The following KCNQ5 variants were observed in gnomAD, a reference collection of about 807,000 sequenced individuals.
KCNQ5 encodes the protein potassium voltage-gated channel subfamily Q member 5, also known as potassium voltage-gated channel subfamily KQT member 5.
In KCNQ5, 30 loss-of-function variants were observed where a neutral mutation model predicts 98.2. The observed-to-expected ratio is 0.31, with a 90% CI of 0.23 to 0.41. The LOEUF is 0.41. Among genes scored for constraint, KCNQ5 ranks in the 10% least tolerant of loss-of-function variants. The probability of loss-of-function intolerance (pLI) is 1.00; values close to 1 mark genes in which losing one functional copy is unlikely to be tolerated. For synonymous variants in KCNQ5, 458 were observed against 449.4 expected (o/e 1.02, Z -0.24); for missense variants, 835 against 1,182.5 (o/e 0.71, Z 4.31).
intron 1 of KCNQ5, among the ~76,000 whole-genome samples, chr6:72,922,380 A>G (rs1324068605): frequency 6.6e-6 from 1 of 152,200 alleles, no homozygotes; most frequent in African/African-American, 2.4e-5. Flanking sequence ...AAATCAAGAT[A>G]ATTAACATAT....
intron 1 of KCNQ5, among the ~76,000 whole-genome samples, chr6:72,744,642 C>T (rs1482998414): frequency 6.6e-6 from 1 of 151,840 alleles, no homozygotes; most frequent in Non-Finnish European, 1.5e-5. Flanking sequence ...GAAACCTTGT[C>T]TCTACTAAAA....
chr6:73,012,484 T>C (rs1036733670), intron 2 of KCNQ5, among the ~76,000 whole-genome samples: 8 of 151,768 alleles, frequency 5.3e-5, no homozygotes, highest in African/African-American at 1.7e-4. Flanking sequence ...GAATAGTGAG[T>C]TATTGTTTAA....
chr6:72,957,626 T>G (rs1268877430), intron 1 of KCNQ5, among the ~76,000 whole-genome samples: 1 of 152,142 alleles, frequency 6.6e-6, no homozygotes, highest in African/African-American at 2.4e-5. Context: ...GTCAGGGTGA[T>G]CTCCCTGTTT....
At chr6:73,131,201 A>G (rs780397773) in intron 9 of KCNQ5, among the ~76,000 whole-genome samples, 1 of 152,144 alleles carries the variant, frequency 6.6e-6, no homozygotes, top group Non-Finnish European at 1.5e-5. Flanking sequence ...ACTATGGTGG[A>G]TTGAATGCTA....
intron 1 of KCNQ5, among the ~76,000 whole-genome samples, chr6:72,628,585 A>C (rs183155894): frequency 1.3e-5 from 2 of 152,222 alleles, no homozygotes; most frequent in East Asian, 3.9e-4. Flanking sequence ...TCTGTGCTAC[A>C]TAGTAGCCAA....
intron 1 of KCNQ5, among the ~76,000 whole-genome samples, chr6:72,903,683 G>A (rs1347040401): frequency 1.3e-5 from 2 of 152,110 alleles, no homozygotes; most frequent in Non-Finnish European, 2.9e-5. Flanking sequence ...ATTCCACTGT[G>A]GTCTGAAAGA....
chr6:73,177,647 G>C (rs897514088), intron 11 of KCNQ5, among the ~76,000 whole-genome samples: 1 of 152,200 alleles, frequency 6.6e-6, no homozygotes, highest in African/African-American at 2.4e-5. Context: ...TCTACAAGCT[G>C]TTTAATCATC....
At chr6:72,767,190 C>A (rs1040082501) in intron 1 of KCNQ5, among the ~76,000 whole-genome samples, 1 of 151,802 alleles carries the variant, frequency 6.6e-6, no homozygotes, top group Non-Finnish European at 1.5e-5. Flanking sequence ...ATTTAATGTA[C>A]CTGTTAGAAA....
intron 6 of KCNQ5, among the ~76,000 whole-genome samples, chr6:73,106,197 A>C (rs1220830910): frequency 1.3e-5 from 2 of 152,150 alleles, no homozygotes; most frequent in Non-Finnish European, 2.9e-5. Context: ...TTTAGGTGGT[A>C]GGGCTTCTCC....
At chr6:72,747,828 A>G (rs1771480752) in intron 1 of KCNQ5, among the ~76,000 whole-genome samples, 1 of 152,170 alleles carries the variant, frequency 6.6e-6, no homozygotes. Context: ...GAACACCTTC[A>G]ACAGGGTTGT....
At chr6:73,107,584 TG>T (rs1447085880) in intron 6 of KCNQ5, among the ~76,000 whole-genome samples, 3 of 152,172 alleles carry the variant, frequency 2.0e-5, no homozygotes, top group Admixed American at 6.5e-5. Flanking sequence ...AACAAACCTC[TG>T]GAAGTTGGCT....
At chr6:72,717,722 G>C (rs1468912144) in intron 1 of KCNQ5, among the ~76,000 whole-genome samples, 2 of 152,164 alleles carry the variant, frequency 1.3e-5, no homozygotes, top group African/African-American at 2.4e-5. Context: ...CGCTCTCCAT[G>C]AGGCTGCCTG....
At chr6:73,021,078 T>G (rs1356072946) in intron 2 of KCNQ5, among the ~76,000 whole-genome samples, 1 of 152,182 alleles carries the variant, frequency 6.6e-6, no homozygotes, top group Non-Finnish European at 1.5e-5. Context: ...TCCTATCAAT[T>G]TATTAATTCT....
intron 1 of KCNQ5, among the ~76,000 whole-genome samples, chr6:72,663,509 C>G (rs1270186531): frequency 6.6e-6 from 1 of 152,130 alleles, no homozygotes; most frequent in African/African-American, 2.4e-5. Context: ...CTTAGGAAGT[C>G]ACACTTCTCT....
chr6:73,172,808 T>C (rs553013840), intron 11 of KCNQ5, among the ~76,000 whole-genome samples: 10 of 152,366 alleles, frequency 6.6e-5, no homozygotes, highest in African/African-American at 2.4e-4. Flanking sequence ...ATGCCTTTTG[T>C]ATTTCAGTAA....
chr6:72,971,496 G>A (rs145089401), intron 1 of KCNQ5, among the ~76,000 whole-genome samples: 14,860 of 152,122 alleles, frequency 0.098, 834 homozygotes, highest in East Asian at 0.23. Flanking sequence ...CCATTACTGG[G>A]TATATACCCA....
intron 3 of KCNQ5, among the ~76,000 whole-genome samples, chr6:73,056,997 TAAATC>T (rs1169090885): frequency 6.6e-6 from 1 of 152,198 alleles, no homozygotes; most frequent in Non-Finnish European, 1.5e-5. Flanking sequence ...CAAAGGATTA[TAAATC>T]ATGCTGCTAT....
intron 1 of KCNQ5, among the ~76,000 whole-genome samples, chr6:72,750,577 A>G (rs1045444870): frequency 6.6e-6 from 1 of 151,888 alleles, no homozygotes; most frequent in Non-Finnish European, 1.5e-5. Flanking sequence ...TGGCCACTGT[A>G]TGATGCTTTT....
At chr6:73,123,452 G>A (rs571938148) in intron 8 of KCNQ5, among the ~76,000 whole-genome samples, 2 of 152,222 alleles carry the variant, frequency 1.3e-5, no homozygotes, top group South Asian at 2.1e-4. Context: ...TGAAAGAGAG[G>A]TCTAAGAAAC....
Sources: gnomAD v4.1 joint callset for allele counts (sites outside exome capture counted in the v4.1 genomes callset) on GRCh38, gnomAD v4.1.1 for gene constraint, MANE v1.5 for transcripts, NCBI Gene and HGNC (gene_info 2026-07-23, HGNC 2026-07-21) for gene names.